Variants in ZBBX observed in about 807,000 individuals in gnomAD.
ZBBX encodes zinc finger B-box domain-containing protein 1.
Under a neutral mutation model 108.5 loss-of-function variants are expected in ZBBX, and 101 were observed. The observed-to-expected ratio is 0.93, with a 90% CI of 0.79 to 1.10. ZBBX has a LOEUF of 1.10. ZBBX is among the 50% of genes least tolerant of loss of function. The probability of loss-of-function intolerance (pLI) is 0.00; values close to 1 mark genes in which losing one functional copy is unlikely to be tolerated. For synonymous variants in ZBBX, 356 were observed against 323.4 expected (o/e 1.10, Z -1.08); for missense variants, 1,009 against 941.4 (o/e 1.07, Z -0.94).
rs748041793 is a variant in ZBBX at position 167,337,972 on chromosome 3, ACAATAGGAG to A, written c.529-3996_529-3988del. ...TTTAAATGTGAAGTATTAATAGGTAACAATAGGAGCAGGAGGAGACTGAAAATGTATAAA... is the reference window on the plus strand; with the variant it reads ...TTTAAATGTGAAGTATTAATAGGTAACAGGAGGAGACTGAAAATGTATAAA... On this transcript the variant is annotated intron_variant, in intron 9 of 21. Coordinates refer to ENST00000675490, the MANE Select transcript of ZBBX (RefSeq NM_001199201.2). 4.6e-5 allele frequency among the ~76,000 whole-genome samples: 7 copies of A among 152,288 alleles called. No homozygotes were observed. In the South Asian group the frequency reaches 1.4e-3, roughly 32 times the overall value.
chr3:167,230,464 A>AAG, the ZBBX span, among the ~76,000 whole-genome samples: 2 of 151,852 alleles, frequency 1.3e-5, no homozygotes, highest in African/African-American at 4.8e-5. Context: ...AAGATGCAAG[A>AAG]AGAGAGAGTG....
In ZBBX at chr3:167,390,651, C is replaced by T. The variant is rs143575209; in HGVS notation, c.-445-10246G>A. 3.3e-3 allele frequency among the ~76,000 whole-genome samples: 497 copies of T among 152,072 alleles called. 2 individuals are homozygous for T. Among genetic ancestry groups the T allele is most frequent in the African/African-American group, 0.012 (482 of 41,492 alleles). ...TGGAATATTTTTCCATTTGTTGTGT[C>T]CTCTCTTATTTCCTTGAGCAGTGGT... On this transcript the variant is annotated intron_variant, in intron 1 of 21. Coordinates refer to the ZBBX transcript ENST00000455345.
intron 20 of ZBBX, among the ~76,000 whole-genome samples, chr3:167,262,126 T>G (rs554842557): frequency 6.6e-6 from 1 of 152,316 alleles, no homozygotes; most frequent in African/African-American, 2.4e-5. Context: ...AGCTTTCAGC[T>G]TCTCCAGTGG....
the ZBBX span, among the ~76,000 whole-genome samples, chr3:167,206,410 A>T: frequency 1.3e-5 from 2 of 152,196 alleles, no homozygotes; most frequent in South Asian, 4.1e-4. Context: ...TGAGTTTTTC[A>T]TATTGTGGTT....
chr3:167,278,964 G>T (rs1213372010), intron 20 of ZBBX, among the ~76,000 whole-genome samples: 1 of 152,154 alleles, frequency 6.6e-6, no homozygotes, highest in Admixed American at 6.5e-5. Context: ...ATCAATAAAT[G>T]TAATCCAGCA....
At chr3:167,237,031 T>C (rs1441422367), downstream of ZBBX, among the ~76,000 whole-genome samples, 1 of 151,840 alleles carries the variant, frequency 6.6e-6, no homozygotes, top group Non-Finnish European at 1.5e-5. Context: ...CTCAAGATCT[T>C]TTCAAAAACT....
At chr3:167,376,852 C>G (rs1027387814) in intron 2 of ZBBX, among the ~76,000 whole-genome samples, 2 of 152,042 alleles carry the variant, frequency 1.3e-5, no homozygotes, top group African/African-American at 4.8e-5. Context: ...TGCCTGTTTC[C>G]TTTTGTAAAG....
chr3:167,265,795 G>A (rs888402025), intron 20 of ZBBX, among the ~76,000 whole-genome samples: 1 of 152,194 alleles, frequency 6.6e-6, no homozygotes, highest in African/African-American at 2.4e-5. Context: ...TCTGGAATGT[G>A]GCTGGTCCAA....
chr3:167,305,910 A>G lies in ZBBX; in HGVS notation c.1458T>C (p.Pro486=). 6.3e-7 allele frequency: 1 copy of G among 1,588,714 alleles called. No individual in the cohort carries two copies. Among genetic ancestry groups the G allele is most frequent in the Admixed American group, 1.8e-5 (1 of 55,658 alleles). ...SNTDFDNIVD[P]DVYSSDIEKI... Reference sequence around the variant, plus strand: ...TTTCAATGTCAGAAGAATACACATCAGGATCCACGATGTTGTCAAAATCTG... The same window carrying G: ...TTTCAATGTCAGAAGAATACACATCGGGATCCACGATGTTGTCAAAATCTG... The change falls in exon 17 of 22, where the codon CCT becomes CCC. Residue 486 remains proline, a synonymous_variant. Transcript: ENST00000675490.
chr3:167,267,722 C>G (rs1725808507), intron 20 of ZBBX, among the ~76,000 whole-genome samples: 1 of 152,136 alleles, frequency 6.6e-6, no homozygotes, highest in African/African-American at 2.4e-5. Flanking sequence ...GGACTATGCT[C>G]TTTGTTAGAG....
At chr3:167,245,920 G>A (rs1405559594) in intron 20 of ZBBX, among the ~76,000 whole-genome samples, 1 of 152,082 alleles carries the variant, frequency 6.6e-6, no homozygotes, top group African/African-American at 2.4e-5. Flanking sequence ...TGAAGTAAAG[G>A]TTTCAAATTA....
Position 167,250,928 on chromosome 3 carries a change from G to A in ZBBX, c.2255-8285C>T, listed in dbSNP as rs148688557. Reference sequence around the variant, plus strand: ...CTGGGCCTATAAAAACCCGAGACCCGAGTGGAAAAACACACAGGTAGCCAG... The same window carrying A: ...CTGGGCCTATAAAAACCCGAGACCCAAGTGGAAAAACACACAGGTAGCCAG... On this transcript the variant is annotated intron_variant, in intron 20 of 21. Coordinates refer to ENST00000675490, the MANE Select transcript of ZBBX (RefSeq NM_001199201.2). Among the ~76,000 whole-genome samples, 411 of 152,206 alleles carry A rather than the reference G, an allele frequency of 2.7e-3. 2 individuals carry two copies. The highest frequency in any genetic ancestry group is 3.3e-3 in the Non-Finnish European group (225 of 68,004).
intron 10 of ZBBX, among the ~76,000 whole-genome samples, chr3:167,328,561 A>G (rs1275345391): frequency 6.6e-6 from 1 of 150,890 alleles, no homozygotes; most frequent in Non-Finnish European, 1.5e-5. Flanking sequence ...ATGAAACCCC[A>G]AGTTCCTACC....
intron 20 of ZBBX, among the ~76,000 whole-genome samples, chr3:167,264,702 C>T (rs967858159): frequency 1.3e-5 from 2 of 152,196 alleles, no homozygotes; most frequent in Non-Finnish European, 2.9e-5. Context: ...TGTGTTTATA[C>T]CAGTGAGCTT....
intron 20 of ZBBX, among the ~76,000 whole-genome samples, chr3:167,243,174 GC>G (rs1720972454): frequency 6.6e-6 from 1 of 152,132 alleles, no homozygotes; most frequent in African/African-American, 2.4e-5. Context: ...TTATGATTTA[GC>G]CTAGCTAAGG....
the ZBBX span, among the ~76,000 whole-genome samples, chr3:167,179,489 T>TA: frequency 6.6e-6 from 1 of 152,218 alleles, no homozygotes; most frequent in East Asian, 1.9e-4. Context: ...GTGAGTGATG[T>TA]AAAAAGGGTG....
At chr3:167,234,542 T>C in the ZBBX span, among the ~76,000 whole-genome samples, 6 of 152,024 alleles carry the variant, frequency 3.9e-5, no homozygotes, top group African/African-American at 1.4e-4. Flanking sequence ...GAATTGATTA[T>C]ATAAGAAACT....
the ZBBX span, among the ~76,000 whole-genome samples, chr3:167,214,119 C>G: frequency 6.6e-6 from 1 of 152,020 alleles, no homozygotes; most frequent in Non-Finnish European, 1.5e-5. Flanking sequence ...TGTAAAGCAA[C>G]CACGCAAGTA....
chr3:167,239,494 T>C (rs762317270), downstream of ZBBX, among the ~76,000 whole-genome samples: 1 of 152,100 alleles, frequency 6.6e-6, no homozygotes, highest in African/African-American at 2.4e-5. Context: ...GAAGATTTTA[T>C]AATAATCCAT....
Sources: gnomAD v4.1 joint callset for allele counts (sites outside exome capture counted in the v4.1 genomes callset) on GRCh38, gnomAD v4.1.1 for gene constraint, MANE v1.5 for transcripts, NCBI Gene and HGNC (gene_info 2026-07-23, HGNC 2026-07-21) for gene names.